The following SECISBP2L variants were observed in gnomAD, a reference collection of about 807,000 sequenced individuals.
SECISBP2L encodes SECIS binding protein 2 like.
In SECISBP2L, 43 loss-of-function variants were observed where a neutral mutation model predicts 114.7. That is an observed-to-expected ratio of 0.38 (90% CI 0.29 to 0.48). The LOEUF is 0.48. Ranked by LOEUF, SECISBP2L falls within the 20% of genes least tolerant of loss-of-function variation. The pLI is 0.98. For synonymous variants in SECISBP2L, 451 were observed against 439.7 expected (o/e 1.03, Z -0.32); for missense variants, 1,136 against 1,301.1 (o/e 0.87, Z 1.95).
chr15:48,990,048 G>C lies in SECISBP2L; in HGVS notation c.*2196C>G, dbSNP rs1901941710. ...GGCAGAAGAGGTACTGCATATGCGA[G>C]AGCATTTACCGAACATATAAATAAA... is the stretch of plus-strand genomic sequence containing the variant. On this transcript the variant is annotated 3_prime_UTR_variant, in exon 18 of 18. Transcript: ENST00000559471. The C allele has an allele frequency of 6.6e-6, 1 of 152,628 alleles. No individual in the cohort carries two copies. Among genetic ancestry groups the C allele is most frequent in the South Asian group, 2.1e-4 (1 of 4,828 alleles). The allele number at this position is 152,628 out of a possible 1,614,324, so 9.5% of individuals were successfully genotyped here. A position where few individuals can be genotyped will look rare whatever the true frequency, so the allele number is the denominator to read the frequency against.
At chr15:49,004,715 G>C (rs1033250859) in intron 14 of SECISBP2L, among the ~76,000 whole-genome samples, 5 of 152,220 alleles carry the variant, frequency 3.3e-5, no homozygotes, top group African/African-American at 1.2e-4. Context: ...GGAACAGGTT[G>C]CTCAGTTTCC....
In SECISBP2L at chr15:48,992,902, T is replaced by C; in HGVS notation, c.2648A>G (p.Glu883Gly). ...TGATGCTTCCAGTCCATCTGAAGTT[T>C]CCACCATGTTTCTCCAATTTGTTTC... is the stretch of plus-strand genomic sequence containing the variant. The part of the protein sequence containing the change: ...EYETNWRNMV[E>G]TSDGLEASEN... The change falls in exon 18 of 18, where the codon GAA becomes GGA. Residue 883 changes from glutamate to glycine, a missense_variant. Transcript: ENST00000559471. 6.2e-7 allele frequency: 1 copy of C among 1,612,566 alleles called. No individual in the cohort carries two copies. The highest frequency in any genetic ancestry group is 8.5e-7 in the Non-Finnish European group (1 of 1,178,768).
Position 49,016,391 on chromosome 15 carries a change from C to T in SECISBP2L, c.1561+169G>A, listed in dbSNP as rs1317725058. The T allele has an allele frequency of 1.4e-5, 7 of 516,938 alleles. No homozygotes were observed. In the South Asian group the frequency reaches 1.5e-4, roughly 11 times the overall value. The allele number at this position is 516,938 out of a possible 1,614,324, so 32.0% of individuals were successfully genotyped here. A position where few individuals can be genotyped will look rare whatever the true frequency, so the allele number is the denominator to read the frequency against. Reference sequence around the variant, plus strand: ...GGAGCATGGACAATTTCAAGGCTTGCGGTTTAAGCTGACTTAAAATACACA... The same window carrying T: ...GGAGCATGGACAATTTCAAGGCTTGTGGTTTAAGCTGACTTAAAATACACA... On this transcript the variant is annotated intron_variant, in intron 11 of 17. Transcript: ENST00000559471.
intron 4 of SECISBP2L, 148 bp downstream of exon 4, chr15:49,032,817 A>C: frequency 9.4e-7 from 1 of 1,068,734 alleles, no homozygotes; most frequent in Non-Finnish European, 1.3e-6. Context: ...AGATTGCTTT[A>C]TCCTTCCTAG....
chr15:49,027,702 G>A (rs530859014), intron 6 of SECISBP2L, among the ~76,000 whole-genome samples: 3 of 151,146 alleles, frequency 2.0e-5, no homozygotes, highest in African/African-American at 4.9e-5. Flanking sequence ...TCCGCCTCCC[G>A]GGTTCAAGCA....
In SECISBP2L at chr15:49,027,611, T is replaced by A. The variant is rs913232357; in HGVS notation, c.920-131A>T. 215 of 331,986 alleles carry A rather than the reference T, an allele frequency of 6.5e-4. 1 individual carries two copies. The highest frequency in any genetic ancestry group is 2.3e-3 in the African/African-American group (104 of 44,368). 20.6% of individuals were successfully genotyped at this position (331,986 alleles called of 1,614,324 possible). A position where few individuals can be genotyped will look rare whatever the true frequency, so the allele number is the denominator to read the frequency against. Reference sequence around the variant, plus strand: ...GAAAATTTTTCTATAAACCTTATTATTTTTTTTTTTTTTTGAGACAGAGTT... The same window carrying A: ...GAAAATTTTTCTATAAACCTTATTAATTTTTTTTTTTTTTGAGACAGAGTT... On this transcript the variant is annotated intron_variant, in intron 6 of 17. Coordinates refer to ENST00000559471, the MANE Select transcript of SECISBP2L (RefSeq NM_001193489.2).
chr15:48,994,841 G>GA (rs1566850627), intron 17 of SECISBP2L, among the ~76,000 whole-genome samples: 21,523 of 108,460 alleles, frequency 0.2, 2,963 homozygotes, highest in African/African-American at 0.42. Flanking sequence ...TAAGTGCTGG[G>GA]GAAAAAAAAA....
intron 1 of SECISBP2L, among the ~76,000 whole-genome samples, chr15:49,044,787 C>G (rs1358907675): frequency 1.3e-5 from 2 of 152,126 alleles, no homozygotes; most frequent in Non-Finnish European, 2.9e-5. Flanking sequence ...AACAGCTATG[C>G]TAAAAATTAC....
At position 49,000,888 on chromosome 15, in the gene SECISBP2L, A is replaced by AT; in HGVS notation, c.2236dup (p.Ile746AsnfsTer9). The AT allele has an allele frequency of 6.2e-7, 1 of 1,612,668 alleles. No individual in the cohort carries two copies. The highest frequency in any genetic ancestry group is 2.2e-5 in the East Asian group (1 of 44,826). On this transcript the variant is annotated frameshift_variant, in exon 15 of 18. Transcript: ENST00000559471. LOFTEE classifies it high-confidence loss of function. ...CAAAAAGCGCATACCTTTTGACTGGATTTTTTCACAGTTTGGAGAAATTAT... is the reference window on the plus strand; with the variant it reads ...CAAAAAGCGCATACCTTTTGACTGGATTTTTTTCACAGTTTGGAGAAATTAT...
chr15:48,998,132 T>TA, intron 16 of SECISBP2L, among the ~76,000 whole-genome samples: 1 of 152,316 alleles, frequency 6.6e-6, no homozygotes, highest in South Asian at 2.1e-4. Context: ...TTTAATTTTA[T>TA]AGTAAGTACA....
chr15:49,018,685 G>A (rs552376480), intron 8 of SECISBP2L, among the ~76,000 whole-genome samples: 8 of 152,236 alleles, frequency 5.3e-5, no homozygotes, highest in South Asian at 2.1e-4. Context: ...ATGAGTTACC[G>A]GAGATGTGTG....
At position 49,017,596 on chromosome 15, in the gene SECISBP2L, A is replaced by T; in HGVS notation, c.1203T>A (p.Asn401Lys). ...GAATATTCTCATCCTTAGCATTTCC[A>T]TTCTCATTTAGTTCTTGAAACCCAT... ...DEDGFQELNE[N>K]GNAKDENIQQ... is the part of the protein sequence containing the mutation. Residue 401 changes from asparagine to lysine, a missense_variant, in exon 9 of 18, where the codon AAT becomes AAA. Coordinates refer to ENST00000559471, the MANE Select transcript of SECISBP2L (RefSeq NM_001193489.2). 1 of 1,608,998 alleles carries T rather than the reference A, an allele frequency of 6.2e-7. No individual in the cohort carries two copies. The highest frequency in any genetic ancestry group is 1.1e-5 in the South Asian group (1 of 90,002).
chr15:49,004,237 A>C (rs993268238), intron 14 of SECISBP2L, among the ~76,000 whole-genome samples: 3 of 152,098 alleles, frequency 2.0e-5, no homozygotes, highest in Admixed American at 6.5e-5. Flanking sequence ...AGAGCTGTTT[A>C]TAGTATTCTC....
intron 7 of SECISBP2L, among the ~76,000 whole-genome samples, chr15:49,020,509 T>C (rs1399395605): frequency 6.6e-6 from 1 of 151,900 alleles, no homozygotes; most frequent in Non-Finnish European, 1.5e-5. Flanking sequence ...CATGCCTGGC[T>C]TTTTACATTA....
chr15:48,988,718 C>T lies in SECISBP2L; in HGVS notation c.*3526G>A. The stretch of plus-strand genomic sequence containing the variant: ...AGTGCAAAAAAGCTGTTATTACCCC[C>T]CAAATGTGATATAACAATTATCCTT... On this transcript the variant is annotated 3_prime_UTR_variant, in exon 18 of 18. Coordinates refer to ENST00000559471, the MANE Select transcript of SECISBP2L (RefSeq NM_001193489.2). 2.5e-6 allele frequency: 1 copy of T among 406,336 alleles called. No individual in the cohort carries two copies. Among genetic ancestry groups the T allele is most frequent in the South Asian group, 1.8e-5 (1 of 55,610 alleles). The allele number at this position is 406,336 out of a possible 1,614,324, so 25.2% of individuals were successfully genotyped here. A position where few individuals can be genotyped will look rare whatever the true frequency, so the allele number is the denominator to read the frequency against.
Position 48,991,550 on chromosome 15 carries a change from C to G in SECISBP2L, c.*694G>C, listed in dbSNP as rs746969971. The G allele has an allele frequency of 1.3e-5, 2 of 152,614 alleles. No homozygotes were observed. Among genetic ancestry groups the G allele is most frequent in the Non-Finnish European group, 2.9e-5 (2 of 68,036 alleles). The allele number at this position is 152,614 out of a possible 1,614,324, so 9.5% of individuals were successfully genotyped here. A position where few individuals can be genotyped will look rare whatever the true frequency, so the allele number is the denominator to read the frequency against. On this transcript the variant is annotated 3_prime_UTR_variant, in exon 18 of 18. Coordinates refer to ENST00000559471, the MANE Select transcript of SECISBP2L (RefSeq NM_001193489.2). ...CAAATATGAGACAGAACCTGGAGGT[C>G]CTATCATGGGTGACTGTTCACTATT...
intron 14 of SECISBP2L, 50 bp downstream of exon 14, chr15:49,009,166 C>T (rs1239389807): frequency 1.9e-6 from 3 of 1,568,168 alleles, no homozygotes; most frequent in African/African-American, 2.7e-5. Context: ...TTCAGAACTA[C>T]AATCAAGATC....
Position 49,032,987 on chromosome 15 carries a change from C to T in SECISBP2L, c.642G>A (p.Leu214=). ...GPDSRSKIVL[L]VDASQQTDFP... is the part of the protein sequence containing the mutation. ...TACCAGTTTGCTGTGAAGCATCTAC[C>T]AGAAGCACAATTTTTGATCGACTAT... Residue 214 remains leucine (L), a synonymous_variant, in exon 4 of 18, where the codon CTG becomes CTA. Coordinates refer to ENST00000559471, the MANE Select transcript of SECISBP2L (RefSeq NM_001193489.2). The T allele has an allele frequency of 6.2e-7, 1 of 1,613,844 alleles. No individual in the cohort carries two copies.
At chr15:49,039,732 G>A (rs1028426808) in intron 1 of SECISBP2L, among the ~76,000 whole-genome samples, 1 of 151,158 alleles carries the variant, frequency 6.6e-6, no homozygotes, top group East Asian at 1.9e-4. Flanking sequence ...GTTTTGCCAC[G>A]TTTCCCAGGC....
Sources: gnomAD v4.1 joint callset for allele counts (sites outside exome capture counted in the v4.1 genomes callset) on GRCh38, gnomAD v4.1.1 for gene constraint, MANE v1.5 for transcripts, NCBI Gene and HGNC (gene_info 2026-07-23, HGNC 2026-07-21) for gene names.